DLC1: variants seen among roughly 807,000 people sequenced by gnomAD.
DLC1 encodes the protein rho GTPase-activating protein 7.
DLC1 carries 54 observed loss-of-function variants against 140.3 expected under a neutral mutation model. The ratio of observed to expected loss-of-function variants is 0.38; its 90% CI spans 0.31 to 0.48. The LOEUF is 0.48. Ranked by LOEUF, DLC1 falls within the 20% of genes least tolerant of loss-of-function variation. The pLI is 0.96. For missense variants in DLC1, 2,536 were observed against 1,907.0 expected (o/e 1.33, Z -6.14); for synonymous variants, 986 against 728.1 (o/e 1.35, Z -5.70).
At chr8:13,310,262 A>C (rs537884168) in intron 4 of DLC1, among the ~76,000 whole-genome samples, 5 of 152,372 alleles carry the variant, frequency 3.3e-5, no homozygotes, top group Non-Finnish European at 7.3e-5. Flanking sequence ...ATGTTCACAC[A>C]GAAGTGTTTG....
intron 5 of DLC1, among the ~76,000 whole-genome samples, chr8:13,279,613 A>G (rs1256796365): frequency 1.3e-5 from 2 of 152,162 alleles, no homozygotes; most frequent in Non-Finnish European, 1.5e-5. Context: ...TTGGCCTCTC[A>G]TTTCTGACAA....
At chr8:13,484,912 G>T (rs1800898882) in intron 2 of DLC1, among the ~76,000 whole-genome samples, 1 of 151,902 alleles carries the variant, frequency 6.6e-6, no homozygotes, top group South Asian at 2.1e-4. Context: ...GTTGGACCAG[G>T]AGACTTATGA....
chr8:13,371,933 C>T (rs1403417478), intron 4 of DLC1, among the ~76,000 whole-genome samples: 5 of 152,114 alleles, frequency 3.3e-5, no homozygotes, highest in African/African-American at 9.7e-5. Context: ...ATGTTCACTA[C>T]TGAGGAAGTA....
intron 2 of DLC1, among the ~76,000 whole-genome samples, chr8:13,464,283 A>G (rs1799819034): frequency 1.3e-5 from 2 of 152,148 alleles, no homozygotes; most frequent in South Asian, 4.1e-4. Context: ...GCTACTCTTT[A>G]TTTCTTTCAC....
intron 1 of DLC1, among the ~76,000 whole-genome samples, chr8:13,537,795 A>G (rs911861294): frequency 1.7e-4 from 26 of 151,746 alleles, no homozygotes; most frequent in Non-Finnish European, 8.8e-5. Context: ...CTAGGACTAC[A>G]GGCGCCCGCC....
intron 1 of DLC1, among the ~76,000 whole-genome samples, chr8:13,522,999 G>A (rs1802808616): frequency 6.6e-6 from 1 of 150,736 alleles, no homozygotes; most frequent in South Asian, 2.1e-4. Context: ...AGAGAGAGAG[G>A]GAGAATATCT....
intron 5 of DLC1, among the ~76,000 whole-genome samples, chr8:13,253,840 G>GA (rs1437112455): frequency 6.6e-6 from 1 of 151,950 alleles, no homozygotes; most frequent in Non-Finnish European, 1.5e-5. Flanking sequence ...AGAGTCTGGG[G>GA]AAAAAAACTC....
chr8:13,496,754 G>A (rs1369165471), intron 2 of DLC1, among the ~76,000 whole-genome samples: 1 of 142,384 alleles, frequency 7.0e-6, no homozygotes, highest in Non-Finnish European at 1.5e-5. Context: ...CCATACAATA[G>A]ATAAATAATT....
chr8:13,396,355 G>A (rs1405527448), intron 3 of DLC1, among the ~76,000 whole-genome samples: 1 of 152,086 alleles, frequency 6.6e-6, no homozygotes, highest in East Asian at 1.9e-4. Context: ...TGCTGCGCCT[G>A]GCCTTGCATT....
intron 5 of DLC1, chr8:13,132,939 C>A: frequency 6.2e-7 from 1 of 1,606,682 alleles, no homozygotes; most frequent in East Asian, 2.2e-5. Flanking sequence ...GCAAGTCTAG[C>A]TTACGTGTTA....
chr8:13,587,580 AAAT>A (rs1563459674), intron 1 of DLC1, among the ~76,000 whole-genome samples: 3 of 126,998 alleles, frequency 2.4e-5, no homozygotes, highest in Non-Finnish European at 5.0e-5. Flanking sequence ...GAGAGAGAGA[AAAT>A]ATATATATAT....
chr8:13,566,878 T>G (rs13281400), intron 1 of DLC1: 12 of 1,319,510 alleles, frequency 9.1e-6, no homozygotes, highest in African/African-American at 7.5e-5. Context: ...GAAGACGACC[T>G]CCGCAGAGCT....
chr8:13,571,432 T>G (rs1804649280), intron 1 of DLC1, among the ~76,000 whole-genome samples: 1 of 152,196 alleles, frequency 6.6e-6, no homozygotes, highest in African/African-American at 2.4e-5. Context: ...ATTTGCTTAT[T>G]TGAGATACTT....
intron 7 of DLC1, among the ~76,000 whole-genome samples, chr8:13,107,779 C>T (rs62487858): frequency 0.35 from 53,866 of 151,892 alleles, 11,891 homozygotes; most frequent in Middle Eastern, 0.51. Flanking sequence ...TGGCTGGTCG[C>T]GGTGGCTCAC....
intron 1 of DLC1, among the ~76,000 whole-genome samples, chr8:13,599,236 C>T (rs985916083): frequency 2.0e-5 from 3 of 151,612 alleles, no homozygotes; most frequent in African/African-American, 7.3e-5. Context: ...AATATATTCA[C>T]AATTATAGAA....
chr8:13,567,942 T>G, intron 1 of DLC1: 2 of 1,543,182 alleles, frequency 1.3e-6, no homozygotes, highest in Non-Finnish European at 8.7e-7. Flanking sequence ...TTGTTAATGA[T>G]AATGTGTAAT....
chr8:13,346,124 T>G (rs915404898), intron 4 of DLC1, among the ~76,000 whole-genome samples: 1 of 152,318 alleles, frequency 6.6e-6, no homozygotes, highest in South Asian at 2.1e-4. Context: ...GAAAAGCTCT[T>G]CAGAAATTAT....
At chr8:13,230,390 A>G (rs79846769) in intron 5 of DLC1, among the ~76,000 whole-genome samples, 6,636 of 152,208 alleles carry the variant, frequency 0.044, 366 homozygotes, top group African/African-American at 0.12. Context: ...CAAAAGTCAG[A>G]GTATGTTTGT....
At chr8:13,131,733 G>T (rs1822110363) in intron 5 of DLC1, among the ~76,000 whole-genome samples, 1 of 152,178 alleles carries the variant, frequency 6.6e-6, no homozygotes, top group South Asian at 2.1e-4. Flanking sequence ...CCGCGCGGAG[G>T]TAATACAGTT....
Sources: gnomAD v4.1 joint callset for allele counts (sites outside exome capture counted in the v4.1 genomes callset) on GRCh38, gnomAD v4.1.1 for gene constraint, MANE v1.5 for transcripts, NCBI Gene and HGNC (gene_info 2026-07-23, HGNC 2026-07-21) for gene names.